The following DIAPH2 variants were observed in gnomAD, a reference collection of about 807,000 sequenced individuals.
DIAPH2 encodes the protein diaphanous related formin 2.
In DIAPH2, 35 loss-of-function variants were observed where a neutral mutation model predicts 92.7. The ratio of observed to expected loss-of-function variants is 0.38; its 90% CI spans 0.29 to 0.50. The LOEUF (loss-of-function observed/expected upper bound fraction) is 0.50. Ranked by LOEUF, DIAPH2 falls within the 20% of genes least tolerant of loss-of-function variation. The pLI, the probability that DIAPH2 is intolerant of heterozygous loss-of-function variation, is 0.94. For synonymous variants in DIAPH2, 301 were observed against 280.4 expected (o/e 1.07, Z -0.73); for missense variants, 701 against 819.5 (o/e 0.86, Z 1.77).
intron 17 of DIAPH2, among the ~76,000 whole-genome samples, chrX:96,982,121 C>G (rs1007853053): frequency 1.8e-5 from 2 of 111,437 alleles, no homozygotes; most frequent in African/African-American, 6.5e-5. Flanking sequence ...AGGTTACTAA[C>G]CACCCTAGAT....
At chrX:97,290,507 A>AT (rs1328295625) in intron 23 of DIAPH2, among the ~76,000 whole-genome samples, 1 of 111,977 alleles carries the variant, frequency 8.9e-6, no homozygotes, top group Non-Finnish European at 1.9e-5. Flanking sequence ...CAATATGAAA[A>AT]TGTGGGGCCC....
At chrX:96,972,532 T>C (rs945535464) in intron 17 of DIAPH2, among the ~76,000 whole-genome samples, 4 of 111,248 alleles carry the variant, frequency 3.6e-5, no homozygotes, top group Non-Finnish European at 5.7e-5. Context: ...CTATACTAAA[T>C]GGGAGGGAAA....
intron 17 of DIAPH2, among the ~76,000 whole-genome samples, chrX:97,051,686 A>G (rs1055405081): frequency 9.0e-6 from 1 of 111,337 alleles, no homozygotes; most frequent in Non-Finnish European, 1.9e-5. Flanking sequence ...TATAAGAAGG[A>G]AAATGAAAAC....
chrX:96,926,910 A>G (rs964315961), intron 9 of DIAPH2, among the ~76,000 whole-genome samples: 38 of 111,551 alleles, frequency 3.4e-4, no homozygotes, highest in African/African-American at 1.2e-3. Context: ...TGGAAGCTGT[A>G]TTTGTAACAA....
At chrX:96,697,295 G>A (rs1226484091) in intron 1 of DIAPH2, among the ~76,000 whole-genome samples, 1 of 108,668 alleles carries the variant, frequency 9.2e-6, no homozygotes, top group Non-Finnish European at 1.9e-5. Flanking sequence ...TGAAGAAAAC[G>A]TCTCCAAGCA....
intron 17 of DIAPH2, among the ~76,000 whole-genome samples, chrX:97,008,595 A>G (rs770452984): frequency 9.0e-6 from 1 of 111,492 alleles, no homozygotes; most frequent in African/African-American, 3.3e-5. Context: ...GGACCTGACT[A>G]TTGTGATCTA....
At chrX:96,825,089 G>A (rs2064804843) in intron 4 of DIAPH2, among the ~76,000 whole-genome samples, 1 of 106,858 alleles carries the variant, frequency 9.4e-6, no homozygotes, top group African/African-American at 3.4e-5. Context: ...GGGATTACAG[G>A]CGCATGCCAC....
chrX:97,028,699 A>G (rs752167414), intron 17 of DIAPH2, among the ~76,000 whole-genome samples: 1 of 112,075 alleles, frequency 8.9e-6, no homozygotes, highest in Non-Finnish European at 1.9e-5. Context: ...TTATCCGTTC[A>G]TCAGTTGATG....
chrX:97,257,892 A>G (rs918653658), intron 23 of DIAPH2, among the ~76,000 whole-genome samples: 1 of 108,125 alleles, frequency 9.2e-6, no homozygotes, highest in African/African-American at 3.5e-5. Flanking sequence ...TCATTTATGT[A>G]TCATTCTCCC....
chrX:96,995,619 C>G (rs927784846), intron 17 of DIAPH2, among the ~76,000 whole-genome samples: 1 of 111,565 alleles, frequency 9.0e-6, no homozygotes, highest in African/African-American at 3.3e-5. Context: ...ACACACATCA[C>G]AGTTTACAAA....
chrX:97,458,752 A>AT (rs746663198), intron 26 of DIAPH2, among the ~76,000 whole-genome samples: 2 of 111,824 alleles, frequency 1.8e-5, no homozygotes, highest in African/African-American at 3.3e-5. Flanking sequence ...TGATTACTTC[A>AT]TAAAAAAAAT....
intron 26 of DIAPH2, among the ~76,000 whole-genome samples, chrX:97,452,119 T>C (rs924622487): frequency 9.0e-6 from 1 of 111,144 alleles, no homozygotes; most frequent in African/African-American, 3.3e-5. Context: ...AAGCTTCAGA[T>C]GTTTTAGTTA....
At chrX:96,768,780 G>A (rs2064319838) in intron 4 of DIAPH2, among the ~76,000 whole-genome samples, 1 of 111,366 alleles carries the variant, frequency 9.0e-6, no homozygotes, top group Non-Finnish European at 1.9e-5. Context: ...GGGTGAACAA[G>A]GGAAAGTATG....
chrX:97,296,969 G>T (rs2068648839), intron 23 of DIAPH2, among the ~76,000 whole-genome samples: 2 of 107,876 alleles, frequency 1.9e-5, no homozygotes, highest in Admixed American at 1.0e-4. Context: ...TAGAGATAGG[G>T]TTTCTCCATG....
At chrX:97,505,649 CT>C (rs372665495) in intron 26 of DIAPH2, among the ~76,000 whole-genome samples, 1,310 of 94,437 alleles carry the variant, frequency 0.014, 6 homozygotes, top group African/African-American at 0.036. Flanking sequence ...TGAGGTAGGG[CT>C]TTTTTTTTTT....
chrX:96,972,906 C>T, intron 17 of DIAPH2, among the ~76,000 whole-genome samples: 1 of 111,757 alleles, frequency 8.9e-6, no homozygotes, highest in East Asian at 2.8e-4. Context: ...GCATTCAGAA[C>T]CAGCAGGATT....
At chrX:97,112,769 T>C (rs866348387) in intron 20 of DIAPH2, among the ~76,000 whole-genome samples, 27 of 54,904 alleles carry the variant, frequency 4.9e-4, no homozygotes, top group African/African-American at 2.1e-3. Flanking sequence ...TTCTTTCTTT[T>C]TTTTTTTTTT....
chrX:97,097,523 C>T (rs1219215886), intron 19 of DIAPH2, among the ~76,000 whole-genome samples: 1 of 111,820 alleles, frequency 8.9e-6, no homozygotes, highest in Admixed American at 9.5e-5. Context: ...TAACAGGTTA[C>T]CTATAGCTAG....
chrX:96,840,775 A>AT (rs58912392), intron 4 of DIAPH2, among the ~76,000 whole-genome samples: 5,842 of 102,730 alleles, frequency 0.057, 182 homozygotes, highest in Middle Eastern at 0.11. Context: ...TGCCCAGCTA[A>AT]TTTTTTTTTT....
Sources: gnomAD v4.1 joint callset for allele counts (sites outside exome capture counted in the v4.1 genomes callset) on GRCh38, gnomAD v4.1.1 for gene constraint, MANE v1.5 for transcripts, NCBI Gene and HGNC (gene_info 2026-07-23, HGNC 2026-07-21) for gene names.